A2M: variants seen among roughly 807,000 people sequenced by gnomAD.
A2M encodes alpha-2-macroglobulin.
A neutral mutation model predicts 183.9 loss-of-function variants in A2M; 128 were observed. The ratio of observed to expected loss-of-function variants is 0.70; its 90% CI spans 0.60 to 0.81. The LOEUF (loss-of-function observed/expected upper bound fraction) is 0.81. A2M is among the 30% of genes least tolerant of loss of function. The pLI is 0.00. For missense variants in A2M, 1,495 were observed against 1,787.6 expected, an observed-to-expected ratio of 0.84 and a Z score of 2.95; for synonymous variants, 592 against 670.8, an observed-to-expected ratio of 0.88 and a Z score of 1.81.
chr12:9,112,915 G>A (rs1001727569), intron 2 of A2M, among the ~76,000 whole-genome samples: 1 of 152,144 alleles, frequency 6.6e-6, no homozygotes, highest in African/African-American at 2.4e-5. Context: ...TAGGCTGTAA[G>A]CATCTCACAT....
At chr12:9,072,105 G>A (rs1378727275) in intron 31 of A2M, among the ~76,000 whole-genome samples, 2 of 152,120 alleles carry the variant, frequency 1.3e-5, no homozygotes, top group African/African-American at 2.4e-5. Flanking sequence ...CAGGTCAGAG[G>A]CAATGGGTAA....
chr12:9,110,190 TGGG>T (rs1247795421), intron 5 of A2M, 121 bp downstream of exon 5: 9 of 1,110,846 alleles, frequency 8.1e-6, no homozygotes, highest in Non-Finnish European at 1.2e-5. Flanking sequence ...TCTAGCTCTA[TGGG>T]AGTTTGAAGG....
At chr12:9,084,475 G>A (rs1382372671) in intron 22 of A2M, among the ~76,000 whole-genome samples, 2 of 152,082 alleles carry the variant, frequency 1.3e-5, no homozygotes, top group Non-Finnish European at 2.9e-5. Flanking sequence ...GCAAAGTTAA[G>A]TTGTTATCAG....
In A2M at chr12:9,095,885, G is replaced by A. The variant is rs756788579; in HGVS notation, c.1852-185C>T. 4.0e-5 allele frequency among the ~76,000 whole-genome samples: 6 copies of A among 148,554 alleles called. No homozygotes were observed. The East Asian group carries it at 1.2e-3, about 30-fold the overall frequency. On this transcript the variant is annotated intron_variant, in intron 15 of 35. Transcript: ENST00000318602. ...CGCCATTCTCCTGCCTCAGCCTCCC[G>A]AGTAGCTGGGACTACAGGCGCCCGC... is the stretch of plus-strand genomic sequence containing the variant.
intron 20 of A2M, 28 bp downstream of exon 20, chr12:9,090,328 G>T (rs2193005): frequency 5.7e-4 from 918 of 1,613,502 alleles, no homozygotes; most frequent in Admixed American, 5.0e-4. Flanking sequence ...TTTGAGTAGA[G>T]AATTATCTCT....
At position 9,098,619 on chromosome 12, in the gene A2M, G is replaced by C. The variant is rs749774365; in HGVS notation, c.1839C>G (p.Leu613=). The change falls in exon 15 of 36, where the codon CTC becomes CTG. Residue 613 remains leucine, a synonymous_variant. Transcript: ENST00000318602. ...GCCAGGAACTCACCGAGGACGCCGA[G>C]AGCTCAGCATCAGGCTTCATGAGCA... ...SVLLMKPDAE[L]SASSVYNLLP... The C allele has an allele frequency of 1.7e-5, 27 of 1,604,268 alleles. 1 individual carries two copies. The South Asian group carries it at 2.9e-4, about 17-fold the overall frequency.
At chr12:9,089,406 T>C (rs990036975) in intron 21 of A2M, among the ~76,000 whole-genome samples, 155 bp from the exon 22 acceptor site, 4 of 151,948 alleles carry the variant, frequency 2.6e-5, no homozygotes, top group African/African-American at 9.7e-5. Flanking sequence ...ACGTAGGAGG[T>C]AGTTCGATGC....
In A2M at chr12:9,067,735, A is replaced by G. The variant is rs746320698; in HGVS notation, c.*88T>C. On this transcript the variant is annotated 3_prime_UTR_variant, in exon 36 of 36. Transcript: ENST00000318602. Reference sequence around the variant, plus strand: ...CATTGACCAGAAAAAGTGTTTATTCATCAAGTCTTTAAAGATACAAAAACA... The same window carrying G: ...CATTGACCAGAAAAAGTGTTTATTCGTCAAGTCTTTAAAGATACAAAAACA... 8.4e-7 allele frequency: 1 copy of G among 1,190,236 alleles called. No individual in the cohort carries two copies. The highest frequency in any genetic ancestry group is 1.3e-5 in the South Asian group (1 of 78,190). 73.7% of individuals were successfully genotyped at this position (1,190,236 alleles called of 1,614,324 possible). A position where few individuals can be genotyped will look rare whatever the true frequency, so the allele number is the denominator to read the frequency against.
rs758269837 is a variant in A2M, at chr12:9,115,575, C to T, written c.86+189G>A. The T allele has an allele frequency of 5.5e-6, 3 of 544,606 alleles. 1 individual carries two copies. The highest frequency in any genetic ancestry group is 4.3e-5 in the South Asian group (2 of 46,678). The allele number at this position is 544,606 out of a possible 1,614,324, so 33.7% of individuals were successfully genotyped here. ...AGGAAGGCTTTGCATATTAGAGCTT[C>T]AGAGAGTTGGGGAAGAATGATTAAA... On this transcript the variant is annotated intron_variant, in intron 1 of 35. Transcript: ENST00000318602.
At chr12:9,112,281 T>G in intron 3 of A2M, 70 bp from the exon 4 acceptor site, 1 of 1,606,886 alleles carries the variant, frequency 6.2e-7, no homozygotes, top group African/African-American at 1.3e-5. Context: ...GACAAGCTAT[T>G]AAGGAACCAA....
intron 22 of A2M, among the ~76,000 whole-genome samples, chr12:9,081,270 ACAG>A (rs897079294): frequency 6.6e-6 from 1 of 152,220 alleles, no homozygotes; most frequent in Non-Finnish European, 1.5e-5. Context: ...AATTAAAACA[ACAG>A]CAAAATTTTT....
chr12:9,090,414 G>C lies in A2M; in HGVS notation c.2538C>G (p.His846Gln). 1.9e-6 allele frequency: 3 copies of C among 1,614,030 alleles called. No homozygotes were observed. Among genetic ancestry groups the C allele is most frequent in the Non-Finnish European group, 2.5e-6 (3 of 1,179,892 alleles). ...AVPVEKEQAP[H>Q]CICANGRQTV... ...TTTGCCGCCCGTTTGCACAGATGCA[G>C]TGAGGCGCTTGTTCCTTCTCCACTG... The change falls in exon 20 of 36, where the codon CAC becomes CAG. Residue 846 changes from histidine (H) to glutamine (Q), a missense_variant. Physicochemically the swap from His to Gln is conservative, Grantham distance 24 (BLOSUM62 0). Transcript: ENST00000318602.
At chr12:9,113,638 T>G in intron 1 of A2M, 95 bp from the exon 2 acceptor site, 1 of 1,223,436 alleles carries the variant, frequency 8.2e-7, no homozygotes, top group Non-Finnish European at 1.2e-6. Flanking sequence ...TCATCATCAG[T>G]TCTACACCAA....
At chr12:9,094,832 A>G (rs1032591633) in intron 17 of A2M, 141 bp downstream of exon 17, 2 of 409,188 alleles carry the variant, frequency 4.9e-6, no homozygotes, top group Non-Finnish European at 8.5e-6. Context: ...TTATATTACT[A>G]TATGACCTTG....
At chr12:9,083,971 A>C (rs920917679) in intron 22 of A2M, among the ~76,000 whole-genome samples, 5 of 152,180 alleles carry the variant, frequency 3.3e-5, no homozygotes, top group African/African-American at 1.2e-4. Flanking sequence ...ATTCCAATAC[A>C]ACTATCCATG....
chr12:9,092,856 A>G lies in A2M; in HGVS notation c.2240+609T>C, dbSNP rs146832219. ...TATTCACAGTTGCCAAGATATAAAA[A>G]CAACCTAAGTGTCTGGGTGAATGGA... On this transcript the variant is annotated intron_variant, in intron 18 of 35. Coordinates refer to ENST00000318602, the MANE Select transcript of A2M (RefSeq NM_000014.6). 1.4e-3 allele frequency among the ~76,000 whole-genome samples: 215 copies of G among 152,364 alleles called. 3 individuals carry two copies. The East Asian group carries it at 0.04, about 28-fold the overall frequency.
At chr12:9,073,402 CA>C (rs1228919124) in intron 29 of A2M, among the ~76,000 whole-genome samples, 1 of 152,176 alleles carries the variant, frequency 6.6e-6, no homozygotes, top group African/African-American at 2.4e-5. Context: ...GATTTAATGA[CA>C]TTTTTATTTG....
At chr12:9,100,757 A>G (rs1937770595) in intron 13 of A2M, among the ~76,000 whole-genome samples, 1 of 152,236 alleles carries the variant, frequency 6.6e-6, no homozygotes, top group South Asian at 2.1e-4. Context: ...CAGCTCAGGA[A>G]TGGAAAACCA....
chr12:9,076,390 T>A (rs1948748793), intron 28 of A2M, among the ~76,000 whole-genome samples: 1 of 152,208 alleles, frequency 6.6e-6, no homozygotes, highest in Non-Finnish European at 1.5e-5. Context: ...TTAATGACTT[T>A]CCCAAGCTCA....
Sources: gnomAD v4.1 joint callset for allele counts (sites outside exome capture counted in the v4.1 genomes callset) on GRCh38, gnomAD v4.1.1 for gene constraint, MANE v1.5 for transcripts, NCBI Gene and HGNC (gene_info 2026-07-23, HGNC 2026-07-21) for gene names.